Variants in USP32 observed in about 807,000 individuals in gnomAD.
The protein encoded by USP32 is ubiquitin specific peptidase 32, also known as ubiquitin carboxyl-terminal hydrolase 32.
USP32 carries 59 observed loss-of-function variants against 204.8 expected under a neutral mutation model. That is an observed-to-expected ratio of 0.29 (90% CI 0.23 to 0.36). USP32 has a LOEUF of 0.36. Ranked by LOEUF, USP32 falls within the 10% of genes least tolerant of loss-of-function variation. The probability of loss-of-function intolerance (pLI) is 1.00; values close to 1 mark genes in which losing one functional copy is unlikely to be tolerated. For synonymous variants in USP32, 517 were observed against 678.4 expected (o/e 0.76, Z 3.70); for missense variants, 1,160 against 1,946.4 (o/e 0.60, Z 7.60).
chr17:60,384,505 C>T (rs1000750966), intron 1 of USP32, among the ~76,000 whole-genome samples: 4 of 152,180 alleles, frequency 2.6e-5, no homozygotes, highest in African/African-American at 9.7e-5. Flanking sequence ...ATGAGCGCCG[C>T]CCTAGGCCAG....
intron 4 of USP32, among the ~76,000 whole-genome samples, chr17:60,292,451 AC>A (rs2087304956): frequency 6.6e-6 from 1 of 151,996 alleles, no homozygotes; most frequent in Non-Finnish European, 1.5e-5. Context: ...CAACCCCCTA[AC>A]CTGCTTCTCC....
chr17:60,222,158 C>T (rs1001774222), intron 15 of USP32, among the ~76,000 whole-genome samples: 5 of 152,180 alleles, frequency 3.3e-5, no homozygotes, highest in South Asian at 2.1e-4. Context: ...AGCCTAAGTT[C>T]CACATATCCT....
chr17:60,295,407 G>A (rs2087403096), intron 3 of USP32, among the ~76,000 whole-genome samples: 1 of 152,206 alleles, frequency 6.6e-6, no homozygotes, highest in Non-Finnish European at 1.5e-5. Context: ...TAGTACAGTA[G>A]TACCCCCTTA....
chr17:60,249,851 C>T lies in USP32; in HGVS notation c.1136+2530G>A. ...CTCGGCCATTCCAGAAATCACGATA[C>T]TTTTTTTTTTTAACAACGTACTGAC... is the stretch of plus-strand genomic sequence containing the variant. On this transcript the variant is annotated intron_variant, in intron 11 of 33. Coordinates refer to ENST00000300896, the MANE Select transcript of USP32 (RefSeq NM_032582.4). The T allele has an allele frequency of 8.4e-6, 4 of 476,142 alleles. No individual in the cohort carries two copies. In the South Asian group the frequency reaches 1.0e-4, roughly 12 times the overall value. 29.5% of individuals were successfully genotyped at this position (476,142 alleles called of 1,614,324 possible). A position where few individuals can be genotyped will look rare whatever the true frequency, so the allele number is the denominator to read the frequency against.
chr17:60,232,583 G>A (rs2085599299), intron 12 of USP32, among the ~76,000 whole-genome samples: 2 of 124,332 alleles, frequency 1.6e-5, no homozygotes, highest in Non-Finnish European at 3.2e-5. Context: ...GTCTCATTCT[G>A]TTGCCCAGGC....
chr17:60,210,766 A>C (rs536706900), intron 21 of USP32, among the ~76,000 whole-genome samples: 1 of 152,396 alleles, frequency 6.6e-6, no homozygotes, highest in Non-Finnish European at 1.5e-5. Context: ...GATGTTTGAC[A>C]AATTAGTAAA....
At chr17:60,373,816 T>C (rs970199206) in intron 1 of USP32, among the ~76,000 whole-genome samples, 1 of 152,218 alleles carries the variant, frequency 6.6e-6, no homozygotes, top group African/African-American at 2.4e-5. Flanking sequence ...TAATAACCCT[T>C]ACCTTAAAAC....
In USP32 at chr17:60,190,677, G is replaced by A. The variant is rs763533698; in HGVS notation, c.3528C>T (p.Cys1176=). ...CCCCACAATCAATTTTACAGCCTCT[G>A]CAAAATCTAAAAAGGGGGAAAAGAT... is the stretch of plus-strand genomic sequence containing the variant. ...SCAWCPWYRF[C]RGCKIDCGED... Residue 1176 remains cysteine, a synonymous_variant, in exon 29 of 34, where the codon TGC becomes TGT. Coordinates refer to ENST00000300896, the MANE Select transcript of USP32 (RefSeq NM_032582.4). 6 of 1,591,638 alleles carry A rather than the reference G, an allele frequency of 3.8e-6. No homozygotes were observed. Among genetic ancestry groups the A allele is most frequent in the Non-Finnish European group, 4.3e-6 (5 of 1,174,402 alleles).
chr17:60,221,536 G>A (rs931246135), intron 15 of USP32, among the ~76,000 whole-genome samples: 6 of 146,430 alleles, frequency 4.1e-5, no homozygotes, highest in African/African-American at 1.3e-4. Flanking sequence ...ACGGAATCTC[G>A]CTCTGTCACC....
chr17:60,227,092 T>C (rs1022760571), intron 12 of USP32, among the ~76,000 whole-genome samples: 1 of 151,390 alleles, frequency 6.6e-6, no homozygotes, highest in African/African-American at 2.4e-5. Context: ...AACATTGTAT[T>C]GTTTATATAG....
rs76017156 is a variant in USP32 at position 60,226,040 on chromosome 17, G to T, written c.1431C>A (p.Ser477Arg). Residue 477 changes from serine (S) to arginine (R), a missense_variant and splice_region_variant, in exon 13 of 34, where the codon AGC (serine) becomes AGA (arginine). Transcript: ENST00000300896. Reference protein sequence around the residue: ...TASEASETAGSGFLYSATPGA... With the variant: ...TASEASETAGRGFLYSATPGA... The stretch of plus-strand genomic sequence containing the variant: ...CTCAGGGGAATAGGTCATATTTACC[G>T]CTGCCAGCAGTTTCTGAGGCTTCAG... 3.1e-6 allele frequency: 5 copies of T among 1,596,268 alleles called. No homozygotes were observed. The highest frequency in any genetic ancestry group is 3.5e-5 in the Admixed American group (2 of 56,752).
intron 2 of USP32, among the ~76,000 whole-genome samples, chr17:60,340,140 A>C (rs985444310): frequency 2.6e-5 from 4 of 152,166 alleles, no homozygotes; most frequent in African/African-American, 9.7e-5. Context: ...CAAGGGTCAT[A>C]TGCACTGACC....
chr17:60,402,238 T>C (rs1175478576), intron 1 of USP32, among the ~76,000 whole-genome samples: 1 of 145,422 alleles, frequency 6.9e-6, no homozygotes, highest in East Asian at 2.0e-4. Flanking sequence ...ATTCCATCCC[T>C]CATTTATCTT....
intron 1 of USP32, among the ~76,000 whole-genome samples, chr17:60,420,039 T>C (rs2090097013): frequency 6.7e-6 from 1 of 149,440 alleles, no homozygotes; most frequent in Non-Finnish European, 1.5e-5. Context: ...TTTGTATTTT[T>C]AGTATTTTTA....
At chr17:60,306,214 G>A (rs16944268) in intron 2 of USP32, among the ~76,000 whole-genome samples, 2,574 of 152,274 alleles carry the variant, frequency 0.017, 38 homozygotes, top group African/African-American at 0.037. Flanking sequence ...TTTAGAAGAC[G>A]GAGTGTGAAT....
intron 2 of USP32, among the ~76,000 whole-genome samples, chr17:60,330,200 T>A (rs1276369673): frequency 6.6e-6 from 1 of 152,322 alleles, no homozygotes; most frequent in East Asian, 1.9e-4. Context: ...TCAAAATTGC[T>A]CTCTTTAAAA....
rs140561773 is a variant in USP32 at position 60,238,600 on chromosome 17, C to T, written c.1137-2360G>A. ...GGCAGATAACCTGAGGTCAGGAGTT[C>T]GAGACCTGCCTGACTAACATGGTGA... On this transcript the variant is annotated intron_variant, in intron 11 of 33. Coordinates refer to ENST00000300896, the MANE Select transcript of USP32 (RefSeq NM_032582.4). 9.9e-5 allele frequency among the ~76,000 whole-genome samples: 15 copies of T among 151,980 alleles called. 1 individual carries two copies. The highest frequency in any genetic ancestry group is 6.6e-4 in the Admixed American group (10 of 15,246).
At chr17:60,403,074 C>G (rs191606560) in intron 1 of USP32, among the ~76,000 whole-genome samples, 2 of 151,936 alleles carry the variant, frequency 1.3e-5, no homozygotes, top group Non-Finnish European at 2.9e-5. Flanking sequence ...TGCAGTGTCA[C>G]GATCTCGGCT....
At position 60,289,661 on chromosome 17, in the gene USP32, G is replaced by A. The variant is rs78694817; in HGVS notation, c.412-979C>T. Among the ~76,000 whole-genome samples the A allele has an allele frequency of 9.5e-3, 1,440 of 152,242 alleles. 32 individuals carry two copies. The highest frequency in any genetic ancestry group is 0.033 in the African/African-American group (1,384 of 41,518). On this transcript the variant is annotated intron_variant, in intron 4 of 33. Coordinates refer to ENST00000300896, the MANE Select transcript of USP32 (RefSeq NM_032582.4). ...TATGGTTGTTCACGCCAATCCCTTT[G>A]CTTGGAAGACAAGAGATCCTAGGTT... is the stretch of plus-strand genomic sequence containing the variant.
Sources: gnomAD v4.1 joint callset for allele counts (sites outside exome capture counted in the v4.1 genomes callset) on GRCh38, gnomAD v4.1.1 for gene constraint, MANE v1.5 for transcripts, NCBI Gene and HGNC (gene_info 2026-07-23, HGNC 2026-07-21) for gene names.